The following IFNLR1 variants were observed in gnomAD, a reference collection of about 807,000 sequenced individuals.
The protein encoded by IFNLR1 is interferon lambda receptor 1, also known as CRF2-12.
A neutral mutation model predicts 52.5 loss-of-function variants in IFNLR1; 28 were observed. That is an observed-to-expected ratio of 0.53 (90% confidence interval 0.40 to 0.73). IFNLR1 has a LOEUF of 0.73. Among genes scored for constraint, IFNLR1 ranks in the 30% least tolerant of loss-of-function variants. The pLI is 0.00. For missense variants in IFNLR1, 623 were observed against 659.1 expected (o/e 0.95, Z 0.60); for synonymous variants, 276 against 274.9 (o/e 1.00, Z -0.04).
chr1:24,159,256 C>T (rs1644414755), intron 5 of IFNLR1, 74 bp from the exon 6 acceptor site: 4 of 1,540,236 alleles, frequency 2.6e-6, no homozygotes. Flanking sequence ...CCGAGTGCTT[C>T]ACATACATGA....
At chr1:24,182,250 C>T (rs947472474) in intron 1 of IFNLR1, among the ~76,000 whole-genome samples, 2 of 151,848 alleles carry the variant, frequency 1.3e-5, no homozygotes, top group Non-Finnish European at 1.5e-5. Context: ...TAAGTACCCA[C>T]GCCCAGTTCG....
intron 2 of IFNLR1, among the ~76,000 whole-genome samples, chr1:24,173,539 A>G (rs1644602383): frequency 6.6e-6 from 1 of 152,190 alleles, no homozygotes; most frequent in African/African-American, 2.4e-5. Context: ...AGTTCCCTGT[A>G]ATAGTACACA....
intron 2 of IFNLR1, among the ~76,000 whole-genome samples, chr1:24,180,444 C>T (rs902226734): frequency 1.3e-5 from 2 of 152,184 alleles, no homozygotes; most frequent in Non-Finnish European, 2.9e-5. Context: ...GAATTTCATC[C>T]TCTGGCCCCC....
chr1:24,167,344 GT>G (rs1258769398), intron 3 of IFNLR1, among the ~76,000 whole-genome samples: 12 of 152,094 alleles, frequency 7.9e-5, no homozygotes, highest in Non-Finnish European at 1.8e-4. Context: ...TTTTGTGTCT[GT>G]GATTGCATGA....
At chr1:24,177,932 G>C (rs1644651120) in intron 2 of IFNLR1, among the ~76,000 whole-genome samples, 1 of 152,138 alleles carries the variant, frequency 6.6e-6, no homozygotes, top group South Asian at 2.1e-4. Context: ...AAAATCCTAA[G>C]GAACTAAATT....
chr1:24,158,709 T>C (rs1029412649), intron 6 of IFNLR1, among the ~76,000 whole-genome samples: 1 of 152,150 alleles, frequency 6.6e-6, no homozygotes, highest in Non-Finnish European at 1.5e-5. Flanking sequence ...TTGGAACTCT[T>C]TTAAGATGTC....
In IFNLR1 at chr1:24,157,344, G is replaced by T. The variant is rs1644391636; in HGVS notation, c.1349C>A (p.Thr450Asn). The T allele has an allele frequency of 6.2e-7, 1 of 1,614,052 alleles. No individual in the cohort carries two copies. Among genetic ancestry groups the T allele is most frequent in the South Asian group, 1.1e-5 (1 of 91,090 alleles). Reference protein sequence around the residue: ...LPEDNLSSWATWGTLPPEPNL... With the variant: ...LPEDNLSSWANWGTLPPEPNL... ...CGGCTCCGGTGGTAAGGTGCCCCAG[G>T]TGGCCCAGGAGGAGAGGTTATCTTC... is the stretch of plus-strand genomic sequence containing the variant. Residue 450 changes from threonine (T) to asparagine (N), a missense_variant, in exon 7 of 7, where the codon ACC becomes AAC. Transcript: ENST00000327535. This position sits in a 1 kb window ranked among gnomAD's most constrained non-coding sequence, Gnocchi z 5.1.
At chr1:24,165,706 C>T (rs1167915335) in intron 3 of IFNLR1, among the ~76,000 whole-genome samples, 1 of 152,180 alleles carries the variant, frequency 6.6e-6, no homozygotes, top group East Asian at 1.9e-4. Flanking sequence ...GTCACCTTTG[C>T]CCTGTGTTTG....
intron 3 of IFNLR1, among the ~76,000 whole-genome samples, chr1:24,162,556 G>A (rs1007457636): frequency 1.3e-5 from 2 of 152,148 alleles, no homozygotes; most frequent in Non-Finnish European, 2.9e-5. Context: ...AAGTGTATTT[G>A]GCTCATGTTT....
chr1:24,159,348 G>T, intron 5 of IFNLR1, 126 bp downstream of exon 5: 2 of 1,228,426 alleles, frequency 1.6e-6, no homozygotes, highest in Non-Finnish European at 2.3e-6. Flanking sequence ...GCTGCCCAAA[G>T]ACACACAATG....
At chr1:24,182,576 T>C (rs1199345404) in intron 1 of IFNLR1, among the ~76,000 whole-genome samples, 1 of 152,224 alleles carries the variant, frequency 6.6e-6, no homozygotes, top group Non-Finnish European at 1.5e-5. Flanking sequence ...TACATGTTAA[T>C]AATGTATTTG....
At position 24,156,016 on chromosome 1, in the gene IFNLR1, T is replaced by C. The variant is rs1644374679; in HGVS notation, c.*1114A>G. 1 of 152,144 alleles carries C rather than the reference T, an allele frequency of 6.6e-6. No homozygotes were observed. The highest frequency in any genetic ancestry group is 1.5e-5 in the Non-Finnish European group (1 of 68,040). 9.4% of individuals were successfully genotyped at this position (152,144 alleles called of 1,614,324 possible). ...CAAGAGTCTAACGTGCCATCCAAAC[T>C]GGGATTACAGGCCCAGAAGTCCGAT... On this transcript the variant is annotated 3_prime_UTR_variant, in exon 7 of 7. Transcript: ENST00000327535.
At chr1:24,184,388 A>C (rs1644718175) in intron 1 of IFNLR1, among the ~76,000 whole-genome samples, 1 of 151,316 alleles carries the variant, frequency 6.6e-6, no homozygotes, top group Non-Finnish European at 1.5e-5. Context: ...TGATTACACC[A>C]CTCCCCAGTT....
chr1:24,159,678 T>C (rs748076609), intron 4 of IFNLR1, 45 bp from the exon 5 acceptor site: 26 of 1,575,060 alleles, frequency 1.7e-5, no homozygotes, highest in South Asian at 1.6e-4. Flanking sequence ...CTGTGGGGAC[T>C]GGTTTCACAC....
At position 24,162,776 on chromosome 1, in the gene IFNLR1, CTTTTTCTTTCTTTT is replaced by C. The variant is rs1557643916; in HGVS notation, c.368-1106_368-1093del. Among the ~76,000 whole-genome samples the C allele has an allele frequency of 1.4e-3, 61 of 42,666 alleles. 3 individuals are homozygous for C. The East Asian group carries it at 0.026, about 18-fold the overall frequency. 28.0% of individuals were successfully genotyped at this position (42,666 alleles called of 152,430 possible). On this transcript the variant is annotated intron_variant, in intron 3 of 6. Coordinates refer to ENST00000327535, the MANE Select transcript of IFNLR1 (RefSeq NM_170743.4). ...TCTTTCTTTCTTTCTTTCTTTCTTT[CTTTTTCTTTCTTTT>C]TCTTTCTTTCTTTTTTCTTTCTTTT...
intron 3 of IFNLR1, among the ~76,000 whole-genome samples, chr1:24,167,298 T>G (rs1350638537): frequency 6.6e-6 from 1 of 152,240 alleles, no homozygotes; most frequent in African/African-American, 2.4e-5. Flanking sequence ...CAAGCTTTCC[T>G]GGTTGTCCAG....
intron 3 of IFNLR1, among the ~76,000 whole-genome samples, chr1:24,166,710 C>T (rs1042441392): frequency 1.4e-5 from 2 of 147,004 alleles, no homozygotes; most frequent in Non-Finnish European, 3.0e-5. Flanking sequence ...CCGTACCCAG[C>T]GAATTTAATT....
intron 1 of IFNLR1, among the ~76,000 whole-genome samples, chr1:24,186,742 G>A (rs1166639415): frequency 1.3e-5 from 2 of 152,130 alleles, no homozygotes; most frequent in African/African-American, 2.4e-5. Context: ...TTGTTAGAAA[G>A]CAGGGCACAG....
chr1:24,175,214 G>A (rs897575913), intron 2 of IFNLR1, among the ~76,000 whole-genome samples: 1 of 152,222 alleles, frequency 6.6e-6, no homozygotes, highest in Non-Finnish European at 1.5e-5. Context: ...CCAAAGACCT[G>A]GAGGCAACAC....
Sources: gnomAD v4.1 joint callset for allele counts (sites outside exome capture counted in the v4.1 genomes callset) on GRCh38, gnomAD v4.1.1 for gene constraint, Gnocchi (gnomAD v3.1) non-coding constraint, MANE v1.5 for transcripts, NCBI Gene and HGNC (gene_info 2026-07-23, HGNC 2026-07-21) for gene names.